The following ZP1 variants were observed in gnomAD, a reference collection of about 807,000 sequenced individuals.
The protein encoded by ZP1 is zona pellucida sperm-binding protein 1.
A neutral mutation model predicts 67.4 loss-of-function variants in ZP1; 58 were observed. The observed-to-expected ratio is 0.86, with a 90% CI of 0.70 to 1.07. The LOEUF (loss-of-function observed/expected upper bound fraction) is 1.07. Ranked by LOEUF, ZP1 falls within the 50% of genes least tolerant of loss-of-function variation. ZP1 has a pLI of 0.00. For missense variants in ZP1, 759 were observed against 807.3 expected (o/e 0.94, Z 0.72); for synonymous variants, 333 against 332.7 (o/e 1.00, Z -0.01).
Position 60,871,303 on chromosome 11 carries a change from C to T in ZP1, c.1101C>T (p.Asp367=), listed in dbSNP as rs767134275. Residue 367 remains aspartate (D), a synonymous_variant, in exon 6 of 12, where the codon GAC becomes GAT. Transcript: ENST00000278853. The part of the protein sequence containing the change: ...QKGPQGSITR[D]STFQLHVRCV... The stretch of plus-strand genomic sequence containing the variant: ...GGCCACAGGGTTCCATCACGCGGGA[C>T]AGCACCTTCCAGTAAGGGCAGCCCT... 4.3e-6 allele frequency: 7 copies of T among 1,613,720 alleles called. No homozygotes were observed. The Admixed American group carries it at 1.0e-4, about 23-fold the overall frequency.
At chr11:60,874,742 G>A (rs1207709258) in intron 9 of ZP1, among the ~76,000 whole-genome samples, 191 bp from the exon 10 acceptor site, 1 of 152,222 alleles carries the variant, frequency 6.6e-6, no homozygotes, top group African/African-American at 2.4e-5. Context: ...AATCTGGAAG[G>A]AACACATTCA....
Position 60,873,430 on chromosome 11 carries a change from C to G in ZP1, c.1296C>G (p.Leu432=), listed in dbSNP as rs1855625327. Residue 432 remains leucine, a synonymous_variant, in exon 8 of 12, where the codon CTC becomes CTG. Transcript: ENST00000278853. ...ATGACTATCCCATCGTGAGGCTGCT[C>G]CGAGAACCAGTCCATGTGGAGGTCC... is the stretch of plus-strand genomic sequence containing the variant. ...GEDDYPIVRL[L]REPVHVEVRL... is the part of the protein sequence containing the mutation. 6.2e-7 allele frequency: 1 copy of G among 1,613,192 alleles called. No homozygotes were observed. The highest frequency in any genetic ancestry group is 8.5e-7 in the Non-Finnish European group (1 of 1,179,422).
intron 6 of ZP1, among the ~76,000 whole-genome samples, 192 bp from the exon 7 acceptor site, chr11:60,872,970 G>GGCAGAGGA (rs1156701483): frequency 6.6e-6 from 1 of 152,200 alleles, no homozygotes; most frequent in Non-Finnish European, 1.5e-5. Flanking sequence ...AGACCAGGTG[G>GGCAGAGGA]GCAGAGGAAT....
In ZP1 at chr11:60,875,551, G is replaced by T. The variant is rs753130244; in HGVS notation, c.1812G>T (p.Trp604Cys). The T allele has an allele frequency of 6.2e-7, 1 of 1,614,080 alleles. No homozygotes were observed. Among genetic ancestry groups the T allele is most frequent in the Non-Finnish European group, 8.5e-7 (1 of 1,179,994 alleles). The change falls in exon 12 of 12, where the codon TGG becomes TGT. Residue 604 changes from tryptophan (W) to cysteine (C), a missense_variant. Coordinates refer to ENST00000278853, the MANE Select transcript of ZP1 (RefSeq NM_207341.4). ...ACTCCAGCCTGAGACCTCTCCTTTG[G>T]GCGGTCCTTTTGCTGCCAGCTGTTG... ...NGNSSLRPLL[W>C]AVLLLPAVAL...
chr11:60,875,477 G>A, intron 11 of ZP1, 37 bp from the exon 12 acceptor site: 2 of 1,610,460 alleles, frequency 1.2e-6, no homozygotes, highest in Non-Finnish European at 1.7e-6. Context: ...GGTTGGAGGG[G>A]CCTCACCCAG....
At position 60,869,619 on chromosome 11, in the gene ZP1, T is replaced by C; in HGVS notation, c.401T>C (p.Ile134Thr). 3 of 1,614,106 alleles carry C rather than the reference T, an allele frequency of 1.9e-6. No homozygotes were observed. The highest frequency in any genetic ancestry group is 2.5e-6 in the Non-Finnish European group (3 of 1,180,020). The change falls in exon 3 of 12, where the codon ATC becomes ACC. Residue 134 changes from isoleucine (I) to threonine (T), a missense_variant. Physicochemically the swap from Ile to Thr is moderately conservative, Grantham distance 89 (BLOSUM62 -1). Transcript: ENST00000278853. ...GATGTGGCACAAGACGCTACTCTGA[T>C]CTGTCCCAAACCTGACCCCTCCCGG... ...RVDVAQDATL[I>T]CPKPDPSRTL...
chr11:60,871,470 C>T (rs1242783315), intron 6 of ZP1, among the ~76,000 whole-genome samples, 156 bp downstream of exon 6: 1 of 152,206 alleles, frequency 6.6e-6, no homozygotes, highest in Admixed American at 6.5e-5. Flanking sequence ...CTCTTCCCAG[C>T]CTCCCCTGCT....
intron 1 of ZP1, among the ~76,000 whole-genome samples, chr11:60,868,761 G>A (rs892878132): frequency 6.6e-6 from 1 of 152,160 alleles, no homozygotes; most frequent in Non-Finnish European, 1.5e-5. Context: ...ACCTAAGAAA[G>A]CTCACGCACC....
At chr11:60,872,509 A>G (rs1466615361) in intron 6 of ZP1, among the ~76,000 whole-genome samples, 5 of 152,168 alleles carry the variant, frequency 3.3e-5, no homozygotes, top group Non-Finnish European at 5.9e-5. Flanking sequence ...CAGAGTGTGG[A>G]GGAGTGGCCA....
At chr11:60,875,491 T>C (rs1378398860) in intron 11 of ZP1, 23 bp from the exon 12 acceptor site, 2 of 1,613,194 alleles carry the variant, frequency 1.2e-6, no homozygotes, top group Admixed American at 3.3e-5. Flanking sequence ...CACCCAGCCC[T>C]GCCAATCCCG....
At chr11:60,873,123 CTG>C (rs752909301) in intron 6 of ZP1, 37 bp from the exon 7 acceptor site, 22 of 1,518,446 alleles carry the variant, frequency 1.4e-5, no homozygotes, top group African/African-American at 8.3e-5. Flanking sequence ...TGCTCTGATT[CTG>C]TGTCTTCTCC....
rs1414700068 is a variant in ZP1 at position 60,869,687 on chromosome 11, T to C, written c.469T>C (p.Ser157Pro). ...GGCACCACCCGCCATGTTCTCTGTC[T>C]CAACCCCACAAACCCTTTCCTTCCT... ...QLAPPAMFSV[S>P]TPQTLSFLPT... The change falls in exon 3 of 12, where the codon TCA becomes CCA. Residue 157 changes from serine to proline, a missense_variant. Physicochemically the swap from Ser to Pro is moderately conservative, Grantham distance 74. Coordinates refer to ENST00000278853, the MANE Select transcript of ZP1 (RefSeq NM_207341.4). 6.2e-7 allele frequency: 1 copy of C among 1,614,024 alleles called. No individual in the cohort carries two copies. Among genetic ancestry groups the C allele is most frequent in the Non-Finnish European group, 8.5e-7 (1 of 1,180,022 alleles).
At chr11:60,871,388 C>G in intron 6 of ZP1, 74 bp downstream of exon 6, 1 of 1,505,484 alleles carries the variant, frequency 6.6e-7, no homozygotes, top group Non-Finnish European at 9.1e-7. Context: ...TCAGTACAGG[C>G]TTCGGAGCCA....
chr11:60,867,685 G>A lies in ZP1; in HGVS notation c.124G>A (p.Asp42Asn), dbSNP rs762724638. 49 of 1,613,944 alleles carry A rather than the reference G, an allele frequency of 3.0e-5. No individual in the cohort carries two copies. The highest frequency in any genetic ancestry group is 3.8e-5 in the Non-Finnish European group (45 of 1,179,980). Residue 42 changes from aspartate to asparagine, a missense_variant, in exon 1 of 12, where the codon GAC becomes AAC. By Grantham distance (23) the Asp-to-Asn change is conservative. Transcript: ENST00000278853. ...PGLPGLRHSYDCGIKGMQLLV... is the reference protein window; with the variant it reads ...PGLPGLRHSYNCGIKGMQLLV... ...CCTCCCAGGCCTCCGGCACAGCTAC[G>A]ACTGTGGGATCAAGGGAATGCAGCT...
chr11:60,872,025 G>C (rs903603077), intron 6 of ZP1, among the ~76,000 whole-genome samples: 1 of 152,174 alleles, frequency 6.6e-6, no homozygotes, highest in Non-Finnish European at 1.5e-5. Context: ...CCGCCCTGCC[G>C]TGAGGGTTGG....
chr11:60,869,381 G>A (rs1477507572), intron 2 of ZP1, 115 bp downstream of exon 2: 25 of 1,521,716 alleles, frequency 1.6e-5, no homozygotes, highest in Non-Finnish European at 2.2e-5. Flanking sequence ...TTGAGCTGGT[G>A]GGTGAGGGAA....
rs1160751560 is a variant in ZP1 at position 60,870,413 on chromosome 11, G to A, written c.764G>A (p.Cys255Tyr). 1 of 1,613,524 alleles carries A rather than the reference G, an allele frequency of 6.2e-7. No homozygotes were observed. Among genetic ancestry groups the A allele is most frequent in the Admixed American group, 1.7e-5 (1 of 59,976 alleles). Reference protein sequence around the residue: ...CIVRRTSKEACQQAGCCYDNT... With the variant: ...CIVRRTSKEAYQQAGCCYDNT... ...GTGAGAAGAACTTCAAAAGAAGCCT[G>A]TCAGCAGGCTGGCTGCTGCTATGAC... Residue 255 changes from cysteine to tyrosine, a missense_variant, in exon 4 of 12, where the codon TGT (cysteine) becomes TAT (tyrosine). Coordinates refer to ENST00000278853, the MANE Select transcript of ZP1 (RefSeq NM_207341.4).
chr11:60,875,086 G>C lies in ZP1; in HGVS notation c.1655-43G>C, dbSNP rs897941754. 2.5e-6 allele frequency: 4 copies of C among 1,613,334 alleles called. No homozygotes were observed. In the African/African-American group the frequency reaches 4.0e-5, roughly 16 times the overall value. The stretch of plus-strand genomic sequence containing the variant: ...GCCTGTGCCTGGCCTCTGGGCCACA[G>C]GGGCAGGAGACCAGCCCAAGATTTC... On this transcript the variant is annotated intron_variant, in intron 10 of 11. Transcript: ENST00000278853.
intron 3 of ZP1, 114 bp downstream of exon 3, chr11:60,870,014 T>G (rs917171651): frequency 2.2e-5 from 29 of 1,298,610 alleles, no homozygotes; most frequent in Admixed American, 1.2e-4. Flanking sequence ...TTTTTTCTTT[T>G]TTTAGAAAAA....
Sources: allele counts gnomAD v4.1 joint callset (sites outside exome capture counted in the v4.1 genomes callset), GRCh38; gene constraint gnomAD v4.1.1; transcripts MANE v1.5; gene names NCBI Gene and HGNC (gene_info 2026-07-23, HGNC 2026-07-21).